COL5A1: variants seen among roughly 807,000 people sequenced by gnomAD.
COL5A1 encodes collagen type V alpha 1 chain, also known as collagen alpha-1(V) chain.
A neutral mutation model predicts 263.7 loss-of-function variants in COL5A1; 16 were observed. The observed-to-expected ratio is 0.06, with a 90% confidence interval of 0.04 to 0.09. The LOEUF (loss-of-function observed/expected upper bound fraction) is 0.09, where lower values mean the gene tolerates loss of function less well. Ranked by LOEUF, COL5A1 falls within the 10% of genes least tolerant of loss-of-function variation. The pLI is 1.00. For missense variants in COL5A1, 2,036 were observed against 2,540.5 expected (o/e 0.80, Z 4.27); for synonymous variants, 1,012 against 1,004.5 (o/e 1.01, Z -0.14).
chr9:134,643,612 C>G lies in COL5A1; in HGVS notation c.109+1316C>G, dbSNP rs752477974. ...AGGAGCCTGGCCTGGCTCCCAGGAC[C>G]TGGGATCTCATCCCTGGGCCGCCAC... On this transcript the variant is annotated intron_variant, in intron 1 of 65. Transcript: ENST00000371817. 1.1e-3 allele frequency among the ~76,000 whole-genome samples: 172 copies of G among 152,270 alleles called. 2 individuals carry two copies. The highest frequency in any genetic ancestry group is 9.3e-4 in the Non-Finnish European group (63 of 68,006).
chr9:134,761,601 G>A (rs1229371342), intron 18 of COL5A1, among the ~76,000 whole-genome samples: 2 of 152,218 alleles, frequency 1.3e-5, no homozygotes, highest in Non-Finnish European at 2.9e-5. Flanking sequence ...TTCACCTGGA[G>A]CACTTGGGCT....
In COL5A1 at chr9:134,693,891, G is replaced by T. The variant is rs539975041; in HGVS notation, c.277+2812G>T. Among the ~76,000 whole-genome samples, 3 of 152,284 alleles carry T rather than the reference G, an allele frequency of 2.0e-5. No individual in the cohort carries two copies. In the South Asian group the frequency reaches 6.2e-4, roughly 32 times the overall value. ...CGACACGGTCTCGCGCCAGCCACTCGTGTGGGTCAGCCTAAGCGCTAGGGG... is the reference window on the plus strand; with the variant it reads ...CGACACGGTCTCGCGCCAGCCACTCTTGTGGGTCAGCCTAAGCGCTAGGGG... On this transcript the variant is annotated intron_variant, in intron 2 of 65. Transcript: ENST00000371817.
At chr9:134,662,073 A>G (rs2132498491) in intron 1 of COL5A1, among the ~76,000 whole-genome samples, 1 of 152,114 alleles carries the variant, frequency 6.6e-6, no homozygotes, top group South Asian at 2.1e-4. Flanking sequence ...GTTTAAGCCC[A>G]AATGAAATTA....
chr9:134,724,868 C>CGGGTG (rs1436626181), intron 4 of COL5A1, among the ~76,000 whole-genome samples: 10 of 147,606 alleles, frequency 6.8e-5, no homozygotes, highest in African/African-American at 2.2e-4. Flanking sequence ...GAACCAGGCT[C>CGGGTG]AGGTGAACCA....
rs1409790837 is a variant in COL5A1, at chr9:134,805,075, G to A, written c.3204+11G>A. The A allele has an allele frequency of 6.2e-7, 1 of 1,613,988 alleles. No individual in the cohort carries two copies. The highest frequency in any genetic ancestry group is 8.5e-7 in the Non-Finnish European group (1 of 1,179,962). Reference sequence around the variant, plus strand: ...CTTCCTGGTCCAGTGGTGAGTGAGAGGCCAGGCGGGGAATGAAATGGGACA... The same window carrying A: ...CTTCCTGGTCCAGTGGTGAGTGAGAAGCCAGGCGGGGAATGAAATGGGACA... On this transcript the variant is annotated intron_variant, in intron 40 of 65. Coordinates refer to ENST00000371817, the MANE Select transcript of COL5A1 (RefSeq NM_000093.5).
chr9:134,802,039 C>T (rs1838134409), intron 38 of COL5A1, 32 bp downstream of exon 38: 4 of 1,601,526 alleles, frequency 2.5e-6, no homozygotes, highest in Non-Finnish European at 3.4e-6. Flanking sequence ...TTCCATGGGT[C>T]ACTCGGTGTC....
chr9:134,780,527 G>T (rs1182251066), intron 28 of COL5A1, among the ~76,000 whole-genome samples: 2 of 152,156 alleles, frequency 1.3e-5, no homozygotes, highest in Admixed American at 6.5e-5. Flanking sequence ...CTGGCACGAG[G>T]GTCCACTTAG....
chr9:134,760,075 C>A (rs1387816411), intron 18 of COL5A1, among the ~76,000 whole-genome samples: 2 of 101,272 alleles, frequency 2.0e-5, no homozygotes, highest in Non-Finnish European at 3.5e-5. Context: ...CTCATACATG[C>A]ACACACGCAT....
chr9:134,820,896 G>GAC (rs1025710728), intron 58 of COL5A1, among the ~76,000 whole-genome samples: 2 of 152,082 alleles, frequency 1.3e-5, no homozygotes, highest in Non-Finnish European at 2.9e-5. Flanking sequence ...AGGTGTGACG[G>GAC]ACACACACAC....
intron 32 of COL5A1, among the ~76,000 whole-genome samples, chr9:134,792,896 CGTGTGTGCACGCGCGT>C (rs1294161132): frequency 1.3e-4 from 4 of 30,136 alleles, no homozygotes; most frequent in African/African-American, 2.5e-4. Flanking sequence ...TGTGTGCGCG[CGTGTGTGCACGCGCGT>C]GTGTGTGCGC....
chr9:134,743,605 A>G (rs1204917538), intron 11 of COL5A1, among the ~76,000 whole-genome samples: 1 of 152,152 alleles, frequency 6.6e-6, no homozygotes, highest in Non-Finnish European at 1.5e-5. Context: ...ATTGCCACAC[A>G]GGGGCACCTC....
At chr9:134,735,028 T>C (rs1835047744) in intron 9 of COL5A1, among the ~76,000 whole-genome samples, 1 of 152,024 alleles carries the variant, frequency 6.6e-6, no homozygotes, top group Non-Finnish European at 1.5e-5. Flanking sequence ...CTGACCACCA[T>C]GGCAAAACCC....
At chr9:134,840,592 C>CTCT (rs915543938) in intron 65 of COL5A1, among the ~76,000 whole-genome samples, 4 of 152,342 alleles carry the variant, frequency 2.6e-5, no homozygotes, top group African/African-American at 9.6e-5. Context: ...AGCTGGCTGG[C>CTCT]TCTAGCTCAG....
chr9:134,654,608 TGAG>T (rs1410252633), intron 1 of COL5A1, among the ~76,000 whole-genome samples: 4 of 105,792 alleles, frequency 3.8e-5, no homozygotes, highest in Non-Finnish European at 3.8e-5. Flanking sequence ...TGTGTAGGGC[TGAG>T]GGTGTGTAGG....
chr9:134,827,361 C>T (rs1356057543), intron 63 of COL5A1, among the ~76,000 whole-genome samples: 1 of 151,836 alleles, frequency 6.6e-6, no homozygotes. Flanking sequence ...GCAGGGGTCC[C>T]CTCCCCCACC....
chr9:134,720,427 A>G (rs1834410683), intron 4 of COL5A1, among the ~76,000 whole-genome samples: 1 of 152,156 alleles, frequency 6.6e-6, no homozygotes, highest in Non-Finnish European at 1.5e-5. Flanking sequence ...TGTAGTTTGG[A>G]GCTTGGTTTC....
chr9:134,816,754 G>A (rs1190323208), intron 52 of COL5A1, among the ~76,000 whole-genome samples: 6 of 152,202 alleles, frequency 3.9e-5, no homozygotes, highest in Non-Finnish European at 2.9e-5. Flanking sequence ...GGTGGGGACC[G>A]AACCGTCATT....
At chr9:134,748,325 G>A (rs1174536149) in intron 11 of COL5A1, among the ~76,000 whole-genome samples, 1 of 148,388 alleles carries the variant, frequency 6.7e-6, no homozygotes, top group Non-Finnish European at 1.5e-5. Context: ...TCACATACAT[G>A]CACACACATG....
chr9:134,733,267 C>G (rs1267906092), intron 9 of COL5A1, among the ~76,000 whole-genome samples: 1 of 152,220 alleles, frequency 6.6e-6, no homozygotes, highest in African/African-American at 2.4e-5. Context: ...ACGGATGGCA[C>G]TTAGCAGGCC....
Sources: gnomAD v4.1 joint callset for allele counts (sites outside exome capture counted in the v4.1 genomes callset) on GRCh38, gnomAD v4.1.1 for gene constraint, MANE v1.5 for transcripts, NCBI Gene and HGNC (gene_info 2026-07-23, HGNC 2026-07-21) for gene names.